TLL2: variants seen among roughly 807,000 people sequenced by gnomAD.
TLL2 encodes tolloid like 2.
In TLL2, 106 loss-of-function variants were observed where a neutral mutation model predicts 123.0. The observed-to-expected ratio is 0.86, with a 90% CI of 0.74 to 1.01. The LOEUF (loss-of-function observed/expected upper bound fraction) is 1.01, where lower values mean the gene tolerates loss of function less well. Among genes scored for constraint, TLL2 ranks in the 50% least tolerant of loss-of-function variants. The pLI is 0.00. For synonymous variants in TLL2, 494 were observed against 516.8 expected (o/e 0.96, Z 0.60); for missense variants, 1,332 against 1,336.7 (o/e 1.00, Z 0.06).
chr10:96,389,981 G>A (rs1294835193), intron 13 of TLL2, among the ~76,000 whole-genome samples: 2 of 152,218 alleles, frequency 1.3e-5, no homozygotes, highest in African/African-American at 4.8e-5. Flanking sequence ...TCCCACTGTG[G>A]TAAAGCAGCA....
intron 20 of TLL2, among the ~76,000 whole-genome samples, chr10:96,369,797 G>A (rs1169394714): frequency 6.6e-6 from 1 of 151,572 alleles, no homozygotes; most frequent in African/African-American, 2.4e-5. Flanking sequence ...GAAAGCCTTT[G>A]CAAAAATAGG....
At chr10:96,382,403 A>C (rs1846194254) in intron 16 of TLL2, among the ~76,000 whole-genome samples, 2 of 151,804 alleles carry the variant, frequency 1.3e-5, no homozygotes, top group African/African-American at 2.4e-5. Context: ...GTGCTATTGC[A>C]CAGGCCACAG....
chr10:96,493,813 C>T (rs1029533429), intron 1 of TLL2, among the ~76,000 whole-genome samples: 1 of 152,152 alleles, frequency 6.6e-6, no homozygotes, highest in Non-Finnish European at 1.5e-5. Context: ...TTCTCATCCC[C>T]GAATCCGTGA....
chr10:96,510,485 G>T (rs1272031584), intron 1 of TLL2, among the ~76,000 whole-genome samples: 4 of 152,136 alleles, frequency 2.6e-5, no homozygotes, highest in Non-Finnish European at 5.9e-5. Flanking sequence ...CTTAAAACCT[G>T]CTTTAAGGTC....
intron 16 of TLL2, among the ~76,000 whole-genome samples, chr10:96,382,026 C>T (rs943549111): frequency 2.6e-5 from 4 of 152,194 alleles, no homozygotes; most frequent in Non-Finnish European, 1.5e-5. Flanking sequence ...GTTTGCAAGG[C>T]TCAGTGCAAG....
rs574964585 is a variant in TLL2 at position 96,471,135 on chromosome 10, G to T, written c.286+9214C>A. On this transcript the variant is annotated intron_variant, in intron 2 of 20. Coordinates refer to ENST00000357947, the MANE Select transcript of TLL2 (RefSeq NM_012465.4). ...CCTGCCTCAGCCCCCTGAGTAGCTG[G>T]GATTACAGGTGTTTGCCACCACACT... Among the ~76,000 whole-genome samples the T allele has an allele frequency of 1.5e-3, 223 of 151,298 alleles. 1 individual carries two copies. The highest frequency in any genetic ancestry group is 4.6e-3 in the African/African-American group (189 of 41,248).
intron 2 of TLL2, among the ~76,000 whole-genome samples, chr10:96,462,666 C>T (rs1847092379): frequency 6.6e-6 from 1 of 152,228 alleles, no homozygotes; most frequent in African/African-American, 2.4e-5. Context: ...TGTTTAAAGA[C>T]ACCTAATTTA....
rs143025210 is a variant in TLL2 at position 96,373,523 on chromosome 10, T to C, written c.2662+73A>G. 1.8e-4 allele frequency: 252 copies of C among 1,415,814 alleles called. No homozygotes were observed. In the East Asian group the frequency reaches 5.1e-3, roughly 29 times the overall value. The allele number at this position is 1,415,814 out of a possible 1,614,324, so 87.7% of individuals were successfully genotyped here. ...CAGTCAGAATAAAAGGCAGTCCTTG[T>C]CGTGCCTTCACCATTTCTCTGTCTC... On this transcript the variant is annotated intron_variant, in intron 19 of 20. Coordinates refer to ENST00000357947, the MANE Select transcript of TLL2 (RefSeq NM_012465.4).
At chr10:96,490,390 C>G (rs757837220) in intron 1 of TLL2, among the ~76,000 whole-genome samples, 3 of 152,082 alleles carry the variant, frequency 2.0e-5, no homozygotes, top group Non-Finnish European at 4.4e-5. Context: ...AAAAAGAGTA[C>G]CAAAGGAGGA....
chr10:96,499,382 GC>G lies in TLL2; in HGVS notation c.175+14128del, dbSNP rs764892207. 2.6e-5 allele frequency among the ~76,000 whole-genome samples: 4 copies of G among 152,298 alleles called. No individual in the cohort carries two copies. In the East Asian group the frequency reaches 7.7e-4, roughly 29 times the overall value. On this transcript the variant is annotated intron_variant, in intron 1 of 20. Coordinates refer to ENST00000357947, the MANE Select transcript of TLL2 (RefSeq NM_012465.4). Reference sequence around the variant, plus strand: ...CCTCCTTCCCTAGTAGTTGCTCCTTGCATCTGCTATTTTTGTTTTCTTTAGT... The same window carrying G: ...CCTCCTTCCCTAGTAGTTGCTCCTTGATCTGCTATTTTTGTTTTCTTTAGT...
chr10:96,374,817 C>T (rs1426464920), intron 18 of TLL2, among the ~76,000 whole-genome samples: 2 of 152,178 alleles, frequency 1.3e-5, no homozygotes, highest in African/African-American at 2.4e-5. Flanking sequence ...GCTTTTCAGC[C>T]CTGAATGCAG....
intron 4 of TLL2, among the ~76,000 whole-genome samples, chr10:96,429,631 G>T (rs924667072): frequency 6.6e-6 from 1 of 152,206 alleles, no homozygotes; most frequent in African/African-American, 2.4e-5. Context: ...AAGTAGGGGG[G>T]AGTCAACTCC....
intron 2 of TLL2, among the ~76,000 whole-genome samples, chr10:96,461,011 TTC>T (rs1279843226): frequency 1.6e-4 from 24 of 152,320 alleles, no homozygotes; most frequent in African/African-American, 4.8e-4. Context: ...GTCTATGACA[TTC>T]TGTTACCGCA....
intron 17 of TLL2, among the ~76,000 whole-genome samples, chr10:96,377,886 C>T (rs1163816668): frequency 6.6e-6 from 1 of 152,236 alleles, no homozygotes; most frequent in Non-Finnish European, 1.5e-5. Flanking sequence ...CTGTTGGGGT[C>T]AACCCACATG....
chr10:96,505,693 G>C (rs938819517), intron 1 of TLL2, among the ~76,000 whole-genome samples: 1 of 152,164 alleles, frequency 6.6e-6, no homozygotes, highest in Non-Finnish European at 1.5e-5. Flanking sequence ...TTGCCCACAG[G>C]CTGTCTCAGA....
At chr10:96,484,077 C>G (rs893886709) in intron 1 of TLL2, among the ~76,000 whole-genome samples, 3 of 152,182 alleles carry the variant, frequency 2.0e-5, no homozygotes, top group Non-Finnish European at 4.4e-5. Flanking sequence ...CTCCTGACCT[C>G]AAGTCATCCT....
chr10:96,432,160 A>AAT (rs1846749664), intron 4 of TLL2, among the ~76,000 whole-genome samples: 1 of 152,226 alleles, frequency 6.6e-6, no homozygotes, highest in African/African-American at 2.4e-5. Flanking sequence ...TATCAGATAC[A>AAT]TACTAATTAC....
chr10:96,486,593 T>C (rs1847358899), intron 1 of TLL2, among the ~76,000 whole-genome samples: 1 of 152,220 alleles, frequency 6.6e-6, no homozygotes, highest in Non-Finnish European at 1.5e-5. Flanking sequence ...GGATTCCAGA[T>C]GGGTGACAGG....
At chr10:96,458,587 C>CAAAA (rs55819031) in intron 2 of TLL2, among the ~76,000 whole-genome samples, 36 of 45,998 alleles carry the variant, frequency 7.8e-4, no homozygotes, top group East Asian at 1.2e-3. Flanking sequence ...GACTTCGTCT[C>CAAAA]AAAAAAAAAA....
Sources: gnomAD v4.1 joint callset for allele counts (sites outside exome capture counted in the v4.1 genomes callset) on GRCh38, gnomAD v4.1.1 for gene constraint, MANE v1.5 for transcripts, NCBI Gene and HGNC (gene_info 2026-07-23, HGNC 2026-07-21) for gene names.